PARD3: variants seen among roughly 807,000 people sequenced by gnomAD.
PARD3 encodes the protein partitioning defective 3 homolog.
In PARD3, 75 loss-of-function variants were observed where a neutral mutation model predicts 155.4. The ratio of observed to expected loss-of-function variants is 0.48; its 90% CI spans 0.40 to 0.58. The LOEUF (loss-of-function observed/expected upper bound fraction) is 0.58, where lower values mean the gene tolerates loss of function less well. Among genes scored for constraint, PARD3 ranks in the 20% least tolerant of loss-of-function variants. The pLI, the probability that PARD3 is intolerant of heterozygous loss-of-function variation, is 0.00. For missense variants in PARD3, 1,642 were observed against 1,721.7 expected, an observed-to-expected ratio of 0.95 and a Z score of 0.82; for synonymous variants, 576 against 610.5, an observed-to-expected ratio of 0.94 and a Z score of 0.83.
intron 2 of PARD3, among the ~76,000 whole-genome samples, chr10:34,533,980 G>A (rs947458014): frequency 6.6e-6 from 1 of 152,118 alleles, no homozygotes; most frequent in African/African-American, 2.4e-5. Context: ...GTCGGCAAGA[G>A]ATAATAAACA....
intron 3 of PARD3, among the ~76,000 whole-genome samples, chr10:34,482,676 T>C (rs1428056781): frequency 6.6e-6 from 1 of 152,166 alleles, no homozygotes; most frequent in Non-Finnish European, 1.5e-5. Flanking sequence ...ATTATGGAAT[T>C]ATTTTTCTAG....
chr10:34,146,907 C>T (rs950552478), intron 22 of PARD3, among the ~76,000 whole-genome samples: 3 of 152,110 alleles, frequency 2.0e-5, no homozygotes, highest in Non-Finnish European at 4.4e-5. Flanking sequence ...GCGTGCAAAT[C>T]GATACAAGTA....
At chr10:34,119,487 G>T in intron 24 of PARD3, 126 bp downstream of exon 24, 1 of 925,886 alleles carries the variant, frequency 1.1e-6, no homozygotes, top group Non-Finnish European at 1.5e-6. Context: ...ACATTTATTG[G>T]TTCCTCTGTT....
At chr10:34,312,795 A>G (rs977692412) in intron 20 of PARD3, among the ~76,000 whole-genome samples, 1 of 152,214 alleles carries the variant, frequency 6.6e-6, no homozygotes, top group African/African-American at 2.4e-5. Flanking sequence ...CATGTACAAT[A>G]AGGTCACGTC....
intron 5 of PARD3, among the ~76,000 whole-genome samples, chr10:34,433,946 T>C (rs1261093112): frequency 6.6e-6 from 1 of 152,102 alleles, no homozygotes; most frequent in Non-Finnish European, 1.5e-5. Flanking sequence ...GGAACAGATA[T>C]GGGTCCTGCC....
intron 22 of PARD3, among the ~76,000 whole-genome samples, chr10:34,152,528 A>G (rs1278582354): frequency 6.6e-6 from 1 of 152,226 alleles, no homozygotes; most frequent in Non-Finnish European, 1.5e-5. Context: ...AACCACTGTG[A>G]TATGTGCAGT....
chr10:34,188,852 T>A (rs73268932), intron 22 of PARD3, among the ~76,000 whole-genome samples: 1 of 151,676 alleles, frequency 6.6e-6, no homozygotes, highest in Non-Finnish European at 1.5e-5. Flanking sequence ...AAGAAACAAA[T>A]CTGACCACAG....
chr10:34,451,678 T>C (rs1034213523), intron 4 of PARD3, among the ~76,000 whole-genome samples: 1 of 151,588 alleles, frequency 6.6e-6, no homozygotes, highest in African/African-American at 2.4e-5. Flanking sequence ...TTTACCAACA[T>C]AAACTTTGAC....
chr10:34,493,925 T>C (rs961113814), intron 3 of PARD3, among the ~76,000 whole-genome samples: 3 of 152,200 alleles, frequency 2.0e-5, no homozygotes, highest in African/African-American at 7.2e-5. Context: ...CTACCATGCA[T>C]CTCATCCCAA....
chr10:34,657,185 A>C (rs955807146), intron 2 of PARD3, among the ~76,000 whole-genome samples: 1 of 152,112 alleles, frequency 6.6e-6, no homozygotes, highest in Non-Finnish European at 1.5e-5. Flanking sequence ...GATTGAGGCC[A>C]TAAGTTTGAG....
intron 22 of PARD3, among the ~76,000 whole-genome samples, chr10:34,173,548 A>C (rs993122043): frequency 1.3e-5 from 2 of 152,198 alleles, no homozygotes; most frequent in Non-Finnish European, 2.9e-5. Context: ...TCTTGTTAAG[A>C]TGAAGAATGC....
intron 21 of PARD3, among the ~76,000 whole-genome samples, chr10:34,275,443 G>A (rs1955827951): frequency 6.6e-6 from 1 of 152,160 alleles, no homozygotes; most frequent in South Asian, 2.1e-4. Context: ...TGCTAACGAG[G>A]CTTGCTGTAC....
At chr10:34,374,207 C>G (rs1176592440) in intron 11 of PARD3, among the ~76,000 whole-genome samples, 3 of 152,106 alleles carry the variant, frequency 2.0e-5, no homozygotes, top group Non-Finnish European at 4.4e-5. Flanking sequence ...ACATTTAAGA[C>G]ACTTATTTCA....
chr10:34,384,128 C>A lies in PARD3; in HGVS notation c.1016+1G>T, dbSNP rs1479260159. The A allele has an allele frequency of 6.2e-7, 1 of 1,613,214 alleles. No individual in the cohort carries two copies. Among genetic ancestry groups the A allele is most frequent in the Non-Finnish European group, 8.5e-7 (1 of 1,179,750 alleles). ...CAGAAGTGCAGCGAGCACACACTTA[C>A]TGTTCAAATCTTCTATTTCGAAGGT... On this transcript the variant is annotated splice_donor_variant, in intron 8 of 24. Transcript: ENST00000374788. LOFTEE classifies it high-confidence loss of function.
chr10:34,607,271 G>T (rs1026581789), intron 2 of PARD3, among the ~76,000 whole-genome samples: 1 of 152,162 alleles, frequency 6.6e-6, no homozygotes, highest in Non-Finnish European at 1.5e-5. Context: ...CAGGCAATAT[G>T]TATTTGCAAA....
intron 4 of PARD3, among the ~76,000 whole-genome samples, chr10:34,464,224 G>T (rs1329809774): frequency 6.6e-6 from 1 of 151,972 alleles, no homozygotes; most frequent in East Asian, 1.9e-4. Flanking sequence ...AGTAATGCCT[G>T]TGTTTCAGCT....
intron 3 of PARD3, among the ~76,000 whole-genome samples, chr10:34,489,764 A>G (rs747707378): frequency 5.3e-5 from 8 of 152,228 alleles, no homozygotes; most frequent in Non-Finnish European, 1.0e-4. Flanking sequence ...GTAATCACTA[A>G]CATTTGTTGA....
chr10:34,399,789 T>G (rs1368233985), intron 6 of PARD3, among the ~76,000 whole-genome samples: 1 of 152,182 alleles, frequency 6.6e-6, no homozygotes, highest in Non-Finnish European at 1.5e-5. Flanking sequence ...ATCCCAACAC[T>G]CACGTCAAGG....
chr10:34,304,454 T>C (rs1390496399), intron 20 of PARD3, among the ~76,000 whole-genome samples: 1 of 152,198 alleles, frequency 6.6e-6, no homozygotes, highest in Non-Finnish European at 1.5e-5. Context: ...AACTTCTGCA[T>C]TTCCAAGCTA....
Sources: allele counts gnomAD v4.1 joint callset (sites outside exome capture counted in the v4.1 genomes callset), GRCh38; gene constraint gnomAD v4.1.1; transcripts MANE v1.5; gene names NCBI Gene and HGNC (gene_info 2026-07-23, HGNC 2026-07-21).